RALYL: variants seen among roughly 807,000 people sequenced by gnomAD.
RALYL encodes the protein RALY RNA binding protein like, also known as RNA-binding Raly-like protein.
RALYL carries 29 observed loss-of-function variants against 35.1 expected under a neutral mutation model. That is an observed-to-expected ratio of 0.83 (90% CI 0.61 to 1.13). The LOEUF is 1.13. Ranked by LOEUF, RALYL falls within the 50% of genes most tolerant of loss-of-function variation. The probability of loss-of-function intolerance (pLI) is 0.00; values close to 1 mark genes in which losing one functional copy is unlikely to be tolerated. For missense variants in RALYL, 359 were observed against 360.4 expected (o/e 1.00, Z 0.03); for synonymous variants, 120 against 127.6 (o/e 0.94, Z 0.40).
chr8:84,229,981 A>G (rs1423109404), intron 1 of RALYL, among the ~76,000 whole-genome samples: 1 of 152,178 alleles, frequency 6.6e-6, no homozygotes, highest in Non-Finnish European at 1.5e-5. Context: ...TGCTAAAATA[A>G]TATTTACACA....
intron 4 of RALYL, among the ~76,000 whole-genome samples, chr8:84,838,033 A>C (rs2134505271): frequency 6.6e-6 from 1 of 152,304 alleles, no homozygotes; most frequent in East Asian, 1.9e-4. Context: ...AGTGAGAGCG[A>C]CAAAAGTTCT....
At chr8:84,796,140 C>T (rs182578004) in intron 3 of RALYL, among the ~76,000 whole-genome samples, 45 of 152,240 alleles carry the variant, frequency 3.0e-4, no homozygotes, top group Non-Finnish European at 4.9e-4. Flanking sequence ...GACTTCTTTG[C>T]GCAGATGGAG....
intron 2 of RALYL, among the ~76,000 whole-genome samples, chr8:84,558,726 C>G (rs979791961): frequency 6.6e-6 from 1 of 152,036 alleles, no homozygotes; most frequent in Non-Finnish European, 1.5e-5. Flanking sequence ...AGTTCTCCTA[C>G]AGAGATAATT....
At chr8:84,823,601 T>C (rs1828970097) in intron 4 of RALYL, among the ~76,000 whole-genome samples, 1 of 152,040 alleles carries the variant, frequency 6.6e-6, no homozygotes, top group Non-Finnish European at 1.5e-5. Flanking sequence ...TTAACTTTTC[T>C]TCAACTTCCC....
intron 2 of RALYL, among the ~76,000 whole-genome samples, chr8:84,719,170 C>T (rs1284352935): frequency 1.3e-5 from 2 of 152,040 alleles, no homozygotes; most frequent in Admixed American, 6.6e-5. Context: ...TGGCTATAAC[C>T]CCCAAAGACA....
At position 84,815,393 on chromosome 8, in the gene RALYL, GTATT is replaced by G. The variant is rs373818527; in HGVS notation, c.365+10595_365+10598del. ...TATTTTCTATTTTAAACTATTATAA[GTATT>G]TATATATTTACTATTTATATATTTA... On this transcript the variant is annotated intron_variant, in intron 4 of 8. Coordinates refer to ENST00000521268, the MANE Select transcript of RALYL (RefSeq NM_173848.7). 2.5e-3 allele frequency among the ~76,000 whole-genome samples: 372 copies of G among 145,886 alleles called. 1 individual carries two copies. Among genetic ancestry groups the G allele is most frequent in the African/African-American group, 4.2e-3 (167 of 40,224 alleles).
intron 8 of RALYL, among the ~76,000 whole-genome samples, chr8:84,906,285 T>TAC (rs1587128873): frequency 6.6e-6 from 1 of 152,134 alleles, no homozygotes; most frequent in East Asian, 1.9e-4. Flanking sequence ...TTTAATGATT[T>TAC]TTTTCTAGCT....
intron 4 of RALYL, among the ~76,000 whole-genome samples, chr8:84,842,919 C>A (rs1167257860): frequency 2.0e-5 from 3 of 152,050 alleles, no homozygotes; most frequent in Admixed American, 2.0e-4. Context: ...ATTCAACAAC[C>A]CTTCATGCTA....
intron 2 of RALYL, among the ~76,000 whole-genome samples, chr8:84,589,996 A>G (rs1812877568): frequency 6.6e-6 from 1 of 152,236 alleles, no homozygotes; most frequent in Non-Finnish European, 1.5e-5. Context: ...TTTTAGCTCC[A>G]ATAGCCATAT....
chr8:84,202,412 G>A lies in RALYL; in HGVS notation c.-24+17988G>A, dbSNP rs541247011. Reference sequence around the variant, plus strand: ...TTTTTGAGACAAGTCTTGCTCTGTCGCCTAGGCTGGAGTGTAGCGGTGCAA... The same window carrying A: ...TTTTTGAGACAAGTCTTGCTCTGTCACCTAGGCTGGAGTGTAGCGGTGCAA... On this transcript the variant is annotated intron_variant, in intron 1 of 8. Transcript: ENST00000521268. Among the ~76,000 whole-genome samples, 10 of 132,936 alleles carry A rather than the reference G, an allele frequency of 7.5e-5. No homozygotes were observed. The South Asian group carries it at 2.1e-3, about 28-fold the overall frequency. 87.2% of individuals were successfully genotyped at this position (132,936 alleles called of 152,430 possible). A position where few individuals can be genotyped will look rare whatever the true frequency, so the allele number is the denominator to read the frequency against.
chr8:84,589,364 T>C (rs1256497916), intron 2 of RALYL, among the ~76,000 whole-genome samples: 1 of 152,236 alleles, frequency 6.6e-6, no homozygotes, highest in Non-Finnish European at 1.5e-5. Flanking sequence ...AGTAAGCCAG[T>C]TACAGAGATC....
In RALYL at chr8:84,887,595, C is replaced by T. The variant is rs770997674; in HGVS notation, c.686-9C>T. 2.4e-5 allele frequency: 39 copies of T among 1,597,358 alleles called. No individual in the cohort carries two copies. In the Admixed American group the frequency reaches 4.4e-4, roughly 18 times the overall value. On this transcript the variant is annotated splice_polypyrimidine_tract_variant and intron_variant, in intron 7 of 8. Coordinates refer to ENST00000521268, the MANE Select transcript of RALYL (RefSeq NM_173848.7). ...AAGGTAGTAGTCATTTGCTTTCTCC[C>T]CCCCCCAGAAGCTCAGAAGAAGCAA...
chr8:84,511,379 A>G (rs963946283), intron 1 of RALYL, among the ~76,000 whole-genome samples: 1 of 152,232 alleles, frequency 6.6e-6, no homozygotes, highest in African/African-American at 2.4e-5. Context: ...AATGCCTGGC[A>G]CATAGTACAT....
intron 1 of RALYL, among the ~76,000 whole-genome samples, chr8:84,231,940 ATC>A (rs2131440077): frequency 6.6e-6 from 1 of 152,318 alleles, no homozygotes; most frequent in African/African-American, 2.4e-5. Flanking sequence ...TGTCAAAGAT[ATC>A]TGATATATAG....
chr8:84,274,786 A>G (rs527551941), intron 1 of RALYL, among the ~76,000 whole-genome samples: 1 of 152,272 alleles, frequency 6.6e-6, no homozygotes, highest in Non-Finnish European at 1.5e-5. Flanking sequence ...AAGCTGTATA[A>G]ATGTCTAGAA....
At chr8:84,744,524 C>A (rs1442653470) in intron 2 of RALYL, among the ~76,000 whole-genome samples, 1 of 151,928 alleles carries the variant, frequency 6.6e-6, no homozygotes, top group Middle Eastern at 3.2e-3. Context: ...AATTTCTTGA[C>A]CTTTGTGGGA....
intron 1 of RALYL, among the ~76,000 whole-genome samples, chr8:84,340,081 A>G (rs1225687057): frequency 1.3e-5 from 2 of 152,084 alleles, no homozygotes; most frequent in Non-Finnish European, 2.9e-5. Context: ...CTTGCCTGCC[A>G]TCATGCAGGA....
At position 84,192,228 on chromosome 8, in the gene RALYL, A is replaced by C. The variant is rs1209334828; in HGVS notation, c.-24+7804A>C. On this transcript the variant is annotated intron_variant, in intron 1 of 8. Transcript: ENST00000521268. ...TATAGAAAAATTCAGAGAAAGGACC[A>C]GTTAAACTAAACCATGAGGAAATAA... Among the ~76,000 whole-genome samples the C allele has an allele frequency of 2.0e-5, 3 of 152,342 alleles. No individual in the cohort carries two copies. The East Asian group carries it at 5.8e-4, about 29-fold the overall frequency.
chr8:84,262,986 T>C (rs1832601585), intron 1 of RALYL, among the ~76,000 whole-genome samples: 1 of 152,148 alleles, frequency 6.6e-6, no homozygotes. Flanking sequence ...TAAATTTCAT[T>C]ATTGAACTAA....
Sources: gnomAD v4.1 joint callset for allele counts (sites outside exome capture counted in the v4.1 genomes callset) on GRCh38, gnomAD v4.1.1 for gene constraint, MANE v1.5 for transcripts, NCBI Gene and HGNC (gene_info 2026-07-23, HGNC 2026-07-21) for gene names.